The following MCM5 variants were observed in gnomAD, a reference collection of about 807,000 sequenced individuals.
MCM5 encodes DNA replication licensing factor MCM5.
MCM5 carries 46 observed loss-of-function variants against 79.9 expected under a neutral mutation model. The observed-to-expected ratio is 0.58, with a 90% CI of 0.45 to 0.74. The LOEUF (loss-of-function observed/expected upper bound fraction) is 0.74. Ranked by LOEUF, MCM5 falls within the 30% of genes least tolerant of loss-of-function variation. The pLI, the probability that MCM5 is intolerant of heterozygous loss-of-function variation, is 0.00. For synonymous variants in MCM5, 404 were observed against 390.5 expected, an observed-to-expected ratio of 1.03 and a Z score of -0.41; for missense variants, 883 against 1,017.0, an observed-to-expected ratio of 0.87 and a Z score of 1.79.
At chr22:35,414,041 G>C in intron 9 of MCM5, 55 bp downstream of exon 9, 1 of 1,238,018 alleles carries the variant, frequency 8.1e-7, no homozygotes, top group South Asian at 1.2e-5. Context: ...AAGGCTGCAG[G>C]GCAGGGCCTC....
At chr22:35,436,526 A>G in the MCM5 span, among the ~76,000 whole-genome samples, 1 of 151,348 alleles carries the variant, frequency 6.6e-6, no homozygotes, top group Non-Finnish European at 1.5e-5. Context: ...TGCTGTTTCT[A>G]CTCCTTTGCC....
the MCM5 span, among the ~76,000 whole-genome samples, chr22:35,438,783 TCATCCATCCATCCATC>T: frequency 2.7e-4 from 3 of 11,006 alleles, no homozygotes; most frequent in South Asian, 1.9e-3. Context: ...ACCCACATAT[TCATCCATCCATCCATC>T]CATCCATCCA....
chr22:35,432,745 A>G, the MCM5 span, among the ~76,000 whole-genome samples: 1 of 150,856 alleles, frequency 6.6e-6, no homozygotes, highest in South Asian at 2.1e-4. Flanking sequence ...AGGCTGGAGG[A>G]GAGTGGAGGG....
chr22:35,429,864 T>C (rs979174818), downstream of MCM5, among the ~76,000 whole-genome samples: 2 of 152,176 alleles, frequency 1.3e-5, no homozygotes, highest in African/African-American at 4.8e-5. Context: ...CTCAGCCTAG[T>C]GCTTCTCAGC....
rs1415617620 is a variant in MCM5, at chr22:35,425,232, ATAAAAT to A, written c.*982_*987del. 5 of 152,246 alleles carry A rather than the reference ATAAAAT, an allele frequency of 3.3e-5. No homozygotes were observed. The East Asian group carries it at 7.7e-4, about 23-fold the overall frequency. 9.4% of individuals were successfully genotyped at this position (152,246 alleles called of 1,614,324 possible). On this transcript the variant is annotated 3_prime_UTR_variant, in exon 17 of 17. Coordinates refer to ENST00000216122, the MANE Select transcript of MCM5 (RefSeq NM_006739.4). ...TGTGTTTTTAAAAAAGCTAGGATTC[ATAAAAT>A]TAAATAGAAATCAGTGAAATAAAAT...
At chr22:35,416,454 C>A in intron 11 of MCM5, 50 bp downstream of exon 11, 1 of 1,584,708 alleles carries the variant, frequency 6.3e-7, no homozygotes, top group Non-Finnish European at 8.6e-7. Flanking sequence ...CAGCGTGGCC[C>A]AACCGTCCTC....
At chr22:35,444,892 C>T in the MCM5 span, among the ~76,000 whole-genome samples, 9 of 152,182 alleles carry the variant, frequency 5.9e-5, no homozygotes, top group Admixed American at 3.9e-4. Context: ...AAGTTGCCCA[C>T]GCATGCTCCC....
At chr22:35,442,582 CG>C in the MCM5 span, among the ~76,000 whole-genome samples, 4 of 152,246 alleles carry the variant, frequency 2.6e-5, no homozygotes, top group South Asian at 2.1e-4. Context: ...TTGCTTAGCT[CG>C]GGGCCTCTAA....
At chr22:35,414,548 C>T (rs4645788) in intron 9 of MCM5, among the ~76,000 whole-genome samples, 12,456 of 151,342 alleles carry the variant, frequency 0.082, 531 homozygotes, top group East Asian at 0.13. Context: ...AAGCCCAGAA[C>T]GGGGAGGTTG....
In MCM5 at chr22:35,424,251, AG is replaced by A. The variant is rs2145805047; in HGVS notation, c.2202del (p.Lys734AsnfsTer53). On this transcript the variant is annotated frameshift_variant, in exon 17 of 17. Coordinates refer to ENST00000216122, the MANE Select transcript of MCM5 (RefSeq NM_006739.4). LOFTEE classifies it high-confidence loss of function. ...CAGCGCAAGGTTCTCTACCGCCTCA[AG>A]TGAGTCGCGCCGCCTCACTGGACTC... ...RMQRKVLYRL[K>X] 6.5e-7 allele frequency: 1 copy of A among 1,543,636 alleles called. No individual in the cohort carries two copies. Among genetic ancestry groups the A allele is most frequent in the South Asian group, 1.2e-5 (1 of 83,054 alleles).
At chr22:35,405,816 C>T (rs894500408) in intron 4 of MCM5, among the ~76,000 whole-genome samples, 18 of 151,792 alleles carry the variant, frequency 1.2e-4, no homozygotes, top group African/African-American at 3.4e-4. Flanking sequence ...TCGAGACCAG[C>T]CTGGCCAACA....
At chr22:35,421,592 G>C (rs746042320) in intron 15 of MCM5, 132 bp downstream of exon 15, 1 of 1,310,240 alleles carries the variant, frequency 7.6e-7, no homozygotes, top group Admixed American at 1.7e-5. Flanking sequence ...GCTTCTCTGA[G>C]TTTCTTTTTG....
At chr22:35,413,583 C>T (rs1253924893) in intron 8 of MCM5, among the ~76,000 whole-genome samples, 2 of 152,198 alleles carry the variant, frequency 1.3e-5, no homozygotes, top group East Asian at 1.9e-4. Flanking sequence ...CTGGGAGGAA[C>T]GTTGCTCAGA....
chr22:35,438,743 CCATT>C, the MCM5 span, among the ~76,000 whole-genome samples: 1 of 139,030 alleles, frequency 7.2e-6, no homozygotes, highest in Non-Finnish European at 1.6e-5. Flanking sequence ...ACATATTCAT[CCATT>C]CACCCATCCA....
At position 35,424,278 on chromosome 22, in the gene MCM5, A is replaced by G; in HGVS notation, c.*23A>G. ...TGAGTCGCGCCGCCTCACTGGACTC[A>G]TGGACTCGCCCACGCCTCGCCCCTC... On this transcript the variant is annotated 3_prime_UTR_variant, in exon 17 of 17. Coordinates refer to ENST00000216122, the MANE Select transcript of MCM5 (RefSeq NM_006739.4). 2 of 1,507,590 alleles carry G rather than the reference A, an allele frequency of 1.3e-6. No homozygotes were observed. The highest frequency in any genetic ancestry group is 1.8e-6 in the Non-Finnish European group (2 of 1,114,516). The allele number at this position is 1,507,590 out of a possible 1,614,324, so 93.4% of individuals were successfully genotyped here. A position where few individuals can be genotyped will look rare whatever the true frequency, so the allele number is the denominator to read the frequency against.
At chr22:35,424,077 T>C in intron 16 of MCM5, 77 bp from the exon 17 acceptor site, 1 of 938,698 alleles carries the variant, frequency 1.1e-6, no homozygotes, top group South Asian at 1.6e-5. Context: ...AAGTTCCCCG[T>C]GAGCCTGGGG....
In MCM5 at chr22:35,404,775, T is replaced by A. The variant is rs77674749; in HGVS notation, c.423+1233T>A. Among the ~76,000 whole-genome samples the A allele has an allele frequency of 3.5e-3, 527 of 152,256 alleles. 4 individuals carry two copies. The highest frequency in any genetic ancestry group is 0.012 in the African/African-American group (493 of 41,548). On this transcript the variant is annotated intron_variant, in intron 4 of 16. Transcript: ENST00000216122. ...AAACTTCTGCTCATGTCTGGTTCTCTCGTTCAGCCGGAGGAGGGCATTGAG... is the reference window on the plus strand; with the variant it reads ...AAACTTCTGCTCATGTCTGGTTCTCACGTTCAGCCGGAGGAGGGCATTGAG...
Position 35,412,571 on chromosome 22 carries a change from C to T in MCM5, c.981C>T (p.Ala327=), listed in dbSNP as rs868303349. Residue 327 remains alanine, a synonymous_variant, in exon 8 of 17, where the codon GCC becomes GCT. Coordinates refer to ENST00000216122, the MANE Select transcript of MCM5 (RefSeq NM_006739.4). ...QEEEEFRRLA[A]LPNVYEVISK... Reference sequence around the variant, plus strand: ...AGGAGGAGTTCCGTCGCCTGGCTGCCCTCCCAAATGTCTATGAGGTCATCT... The same window carrying T: ...AGGAGGAGTTCCGTCGCCTGGCTGCTCTCCCAAATGTCTATGAGGTCATCT... 1 of 1,583,388 alleles carries T rather than the reference C, an allele frequency of 6.3e-7. No homozygotes were observed. The highest frequency in any genetic ancestry group is 8.6e-7 in the Non-Finnish European group (1 of 1,163,004).
chr22:35,414,579 A>G (rs897211597), intron 9 of MCM5, among the ~76,000 whole-genome samples: 2 of 151,994 alleles, frequency 1.3e-5, no homozygotes, highest in Non-Finnish European at 2.9e-5. Flanking sequence ...AGATTGTGCC[A>G]CTGCACTCCA....
Sources: gnomAD v4.1 joint callset for allele counts (sites outside exome capture counted in the v4.1 genomes callset) on GRCh38, gnomAD v4.1.1 for gene constraint, MANE v1.5 for transcripts, NCBI Gene and HGNC (gene_info 2026-07-23, HGNC 2026-07-21) for gene names.